CRB1: variants seen among roughly 807,000 people sequenced by gnomAD.
CRB1 encodes the protein protein crumbs homolog 1.
CRB1 carries 83 observed loss-of-function variants against 120.0 expected under a neutral mutation model. That is an observed-to-expected ratio of 0.69 (90% CI 0.58 to 0.83). CRB1 has a LOEUF of 0.83. Ranked by LOEUF, CRB1 falls within the 40% of genes least tolerant of loss-of-function variation. The probability of loss-of-function intolerance (pLI) is 0.00; values close to 1 mark genes in which losing one functional copy is unlikely to be tolerated. For missense variants in CRB1, 1,699 were observed against 1,687.6 expected (o/e 1.01, Z -0.12); for synonymous variants, 625 against 612.5 (o/e 1.02, Z -0.30).
rs1248507851 is a variant in CRB1, at chr1:197,438,689, G to C, written c.3878+14G>C. ...TACTGGAGAATGGTGAGTCACATTA[G>C]AGCCTTCTGGAAGAGAATTCTGAGC... is the stretch of plus-strand genomic sequence containing the variant. On this transcript the variant is annotated intron_variant, in intron 10 of 11. Coordinates refer to ENST00000367400, the MANE Select transcript of CRB1 (RefSeq NM_201253.3). 23 of 1,611,038 alleles carry C rather than the reference G, an allele frequency of 1.4e-5. No homozygotes were observed. The highest frequency in any genetic ancestry group is 1.9e-5 in the Non-Finnish European group (22 of 1,177,720).
chr1:197,262,384 T>C, the CRB1 span, among the ~76,000 whole-genome samples: 10 of 152,188 alleles, frequency 6.6e-5, no homozygotes. Flanking sequence ...TTCTTTGTTT[T>C]ATGGCACCTA....
chr1:197,355,383 C>T (rs778937798), intron 4 of CRB1, among the ~76,000 whole-genome samples: 135 of 152,342 alleles, frequency 8.9e-4, no homozygotes, highest in African/African-American at 1.2e-3. Context: ...GCCAGTCCCG[C>T]GCAGTGCGCT....
In CRB1 at chr1:197,477,648, A is replaced by G; in HGVS notation, c.4006-16A>G. The G allele has an allele frequency of 6.2e-7, 1 of 1,611,970 alleles. No homozygotes were observed. Among genetic ancestry groups the G allele is most frequent in the East Asian group, 2.2e-5 (1 of 44,862 alleles). On this transcript the variant is annotated splice_polypyrimidine_tract_variant and intron_variant, in intron 11 of 11. Transcript: ENST00000367400. ...TTGCTATAGAATTCGCATCCCAATG[A>G]TTTCAATCTTTCCAGTTGGCAGATG...
intron 11 of CRB1, among the ~76,000 whole-genome samples, chr1:197,453,501 T>C (rs1234322619): frequency 1.4e-5 from 2 of 143,030 alleles, no homozygotes; most frequent in Non-Finnish European, 1.5e-5. Flanking sequence ...TGTATATATA[T>C]GTGTATATAT....
At chr1:197,309,176 C>T (rs541188003) in intron 1 of CRB1, among the ~76,000 whole-genome samples, 2 of 151,808 alleles carry the variant, frequency 1.3e-5, no homozygotes, top group African/African-American at 4.8e-5. Context: ...ATAAATAATT[C>T]ACAATTGCAC....
chr1:197,371,037 A>G (rs920705122), intron 5 of CRB1, among the ~76,000 whole-genome samples: 4 of 151,940 alleles, frequency 2.6e-5, no homozygotes, highest in Admixed American at 1.3e-4. Flanking sequence ...TATGACCAGA[A>G]CCTCCAATTA....
chr1:197,246,911 G>T, the CRB1 span, among the ~76,000 whole-genome samples: 1 of 151,968 alleles, frequency 6.6e-6, no homozygotes, highest in Non-Finnish European at 1.5e-5. Context: ...TTACATCATG[G>T]AATTACTTAC....
chr1:197,274,350 A>T (rs1655071883), intron 1 of CRB1, among the ~76,000 whole-genome samples: 1 of 152,174 alleles, frequency 6.6e-6, no homozygotes, highest in South Asian at 2.1e-4. Flanking sequence ...AAAACTACTT[A>T]GGTGAACAGT....
intron 1 of CRB1, among the ~76,000 whole-genome samples, chr1:197,282,285 A>G (rs1655565981): frequency 6.6e-6 from 1 of 151,852 alleles, no homozygotes; most frequent in South Asian, 2.1e-4. Context: ...ACTATCATCA[A>G]GTCCATCCTC....
At chr1:197,269,356 G>A (rs1350147596) in intron 1 of CRB1, among the ~76,000 whole-genome samples, 1 of 152,240 alleles carries the variant, frequency 6.6e-6, no homozygotes, top group Non-Finnish European at 1.5e-5. Context: ...GCACCAGTGA[G>A]ATTGTTACTT....
At chr1:197,290,989 A>G (rs957460972) in intron 1 of CRB1, among the ~76,000 whole-genome samples, 3 of 151,824 alleles carry the variant, frequency 2.0e-5, no homozygotes, top group African/African-American at 4.8e-5. Context: ...AAAATGAGAA[A>G]TGAAACTAAA....
At chr1:197,247,570 C>T in the CRB1 span, among the ~76,000 whole-genome samples, 8 of 152,006 alleles carry the variant, frequency 5.3e-5, no homozygotes, top group African/African-American at 1.9e-4. Context: ...GAATACTAAT[C>T]ACAAGACTTT....
Position 197,477,930 on chromosome 1 carries a change from C to T in CRB1, c.*51C>T. ...GATCCACACACTGTGAATGTGATGA[C>T]TGTACTTCAGGTATCTCTGACATAC... On this transcript the variant is annotated 3_prime_UTR_variant, in exon 12 of 12. Transcript: ENST00000367400. The T allele has an allele frequency of 6.5e-7, 1 of 1,549,758 alleles. No homozygotes were observed. Among genetic ancestry groups the T allele is most frequent in the Non-Finnish European group, 8.9e-7 (1 of 1,121,726 alleles).
At chr1:197,413,281 C>T (rs1157845650) in intron 5 of CRB1, among the ~76,000 whole-genome samples, 1 of 152,128 alleles carries the variant, frequency 6.6e-6, no homozygotes, top group Non-Finnish European at 1.5e-5. Context: ...AATTAAATGC[C>T]ATTGGATGTA....
At chr1:197,205,588 G>A in the CRB1 span, among the ~76,000 whole-genome samples, 1 of 152,090 alleles carries the variant, frequency 6.6e-6, no homozygotes, top group Admixed American at 6.5e-5. Context: ...CTGCATCTCT[G>A]GTATGAAACC....
At chr1:197,470,752 A>T (rs1462200695) in intron 11 of CRB1, among the ~76,000 whole-genome samples, 1 of 152,258 alleles carries the variant, frequency 6.6e-6, no homozygotes, top group Non-Finnish European at 1.5e-5. Context: ...TTATTTTTAC[A>T]GATCTAATGC....
At chr1:197,350,093 C>T (rs182909623) in intron 4 of CRB1, among the ~76,000 whole-genome samples, 2,157 of 141,342 alleles carry the variant, frequency 0.015, 34 homozygotes, top group African/African-American at 0.053. Context: ...GGCGACAGAG[C>T]GAGACTCCGT....
At chr1:197,263,778 A>G (rs1274579279), upstream of CRB1, among the ~76,000 whole-genome samples, 2 of 151,982 alleles carry the variant, frequency 1.3e-5, no homozygotes, top group African/African-American at 2.4e-5. Flanking sequence ...ACATTGATCT[A>G]TTCTAAAAAA....
At chr1:197,301,530 G>A (rs1167890459) in intron 1 of CRB1, among the ~76,000 whole-genome samples, 1 of 152,082 alleles carries the variant, frequency 6.6e-6, no homozygotes. Context: ...TGATTCCTTT[G>A]GCGATTCTGG....
Sources: allele counts gnomAD v4.1 joint callset (sites outside exome capture counted in the v4.1 genomes callset), GRCh38; gene constraint gnomAD v4.1.1; transcripts MANE v1.5; gene names NCBI Gene and HGNC (gene_info 2026-07-23, HGNC 2026-07-21).